Variants in GRB14 observed in about 807,000 individuals in gnomAD.
The protein encoded by GRB14 is growth factor receptor bound protein 14.
Under a neutral mutation model 69.1 loss-of-function variants are expected in GRB14, and 38 were observed. The ratio of observed to expected loss-of-function variants is 0.55; its 90% CI spans 0.42 to 0.72. The LOEUF is 0.72. Ranked by LOEUF, GRB14 falls within the 30% of genes least tolerant of loss-of-function variation. GRB14 has a pLI of 0.00. For missense variants in GRB14, 666 were observed against 666.1 expected, an observed-to-expected ratio of 1.00 and a Z score of 0.00; for synonymous variants, 247 against 241.3, an observed-to-expected ratio of 1.02 and a Z score of -0.22.
chr2:164,605,403 A>G (rs906759708), intron 2 of GRB14, among the ~76,000 whole-genome samples: 1 of 152,232 alleles, frequency 6.6e-6, no homozygotes, highest in African/African-American at 2.4e-5. Flanking sequence ...TGAGATGTCT[A>G]TGGACCGTAT....
intron 6 of GRB14, among the ~76,000 whole-genome samples, chr2:164,517,317 C>A (rs965978429): frequency 6.6e-6 from 1 of 152,070 alleles, no homozygotes. Flanking sequence ...CCACACACAG[C>A]ACATGGGAAT....
chr2:164,497,562 T>A, intron 9 of GRB14, 72 bp from the exon 10 acceptor site: 1 of 1,042,468 alleles, frequency 9.6e-7, no homozygotes, highest in Non-Finnish European at 1.4e-6. Context: ...TTGAAAGTGT[T>A]TTTCAATTTC....
At chr2:164,607,881 A>G (rs1690076909) in intron 2 of GRB14, among the ~76,000 whole-genome samples, 1 of 151,994 alleles carries the variant, frequency 6.6e-6, no homozygotes, top group African/African-American at 2.4e-5. Flanking sequence ...TTGCTTTCCA[A>G]TTTTTTTCCT....
intron 2 of GRB14, among the ~76,000 whole-genome samples, chr2:164,562,845 C>T (rs1688867051): frequency 6.6e-6 from 1 of 152,186 alleles, no homozygotes; most frequent in South Asian, 2.1e-4. Context: ...GGTTTCCTGG[C>T]TCTAAAGCAT....
intron 9 of GRB14, among the ~76,000 whole-genome samples, chr2:164,498,241 A>G (rs966191786): frequency 6.6e-6 from 1 of 152,228 alleles, no homozygotes; most frequent in African/African-American, 2.4e-5. Flanking sequence ...ATAAGCCTGA[A>G]TAAGAACTGA....
chr2:164,583,603 C>T (rs1182849474), intron 2 of GRB14, among the ~76,000 whole-genome samples: 1 of 151,788 alleles, frequency 6.6e-6, no homozygotes, highest in Non-Finnish European at 1.5e-5. Flanking sequence ...AAAAAAAATC[C>T]AGTAAAATAG....
At chr2:164,496,282 C>T (rs1205081790) in intron 12 of GRB14, among the ~76,000 whole-genome samples, 1 of 152,140 alleles carries the variant, frequency 6.6e-6, no homozygotes, top group Non-Finnish European at 1.5e-5. Context: ...CACAATACAA[C>T]CTCCCTCATT....
At chr2:164,513,311 A>C (rs1687388532) in intron 6 of GRB14, among the ~76,000 whole-genome samples, 1 of 152,198 alleles carries the variant, frequency 6.6e-6, no homozygotes, top group Non-Finnish European at 1.5e-5. Context: ...CCCCCCAAAA[A>C]ATATGCTCAT....
chr2:164,525,083 C>A lies in GRB14; in HGVS notation c.604-5G>T, dbSNP rs545980123. On this transcript the variant is annotated splice_polypyrimidine_tract_variant and splice_region_variant and intron_variant, in intron 4 of 13. Coordinates refer to ENST00000263915, the MANE Select transcript of GRB14 (RefSeq NM_004490.3). ...CATATGCTCTGGAAAAAAATACTGT[C>A]AAAAAGACACAGTTAAATTATCACA... 6.5e-7 allele frequency: 1 copy of A among 1,530,666 alleles called. No individual in the cohort carries two copies. The highest frequency in any genetic ancestry group is 1.2e-5 in the South Asian group (1 of 86,162). The allele number at this position is 1,530,666 out of a possible 1,614,324, so 94.8% of individuals were successfully genotyped here.
chr2:164,561,923 G>A (rs1229862227), intron 2 of GRB14, among the ~76,000 whole-genome samples: 1 of 152,162 alleles, frequency 6.6e-6, no homozygotes, highest in Non-Finnish European at 1.5e-5. Context: ...TAATGAAAAG[G>A]CCTGAGCATT....
chr2:164,619,247 T>G (rs1214501687), intron 2 of GRB14, among the ~76,000 whole-genome samples: 1 of 152,186 alleles, frequency 6.6e-6, no homozygotes, highest in Non-Finnish European at 1.5e-5. Flanking sequence ...TATATCACTT[T>G]CCTTAGGTAA....
intron 3 of GRB14, among the ~76,000 whole-genome samples, chr2:164,546,505 T>C (rs768648412): frequency 1.3e-5 from 2 of 152,086 alleles, no homozygotes; most frequent in East Asian, 1.9e-4. Context: ...AATATGAAGA[T>C]GAGGCAGTTC....
At chr2:164,540,988 A>G (rs1292425219) in intron 3 of GRB14, among the ~76,000 whole-genome samples, 1 of 152,216 alleles carries the variant, frequency 6.6e-6, no homozygotes, top group Non-Finnish European at 1.5e-5. Flanking sequence ...AAGAAAAAAG[A>G]AAAAGAAGGT....
intron 3 of GRB14, among the ~76,000 whole-genome samples, chr2:164,545,397 G>A (rs1375146350): frequency 6.6e-6 from 1 of 152,062 alleles, no homozygotes; most frequent in Non-Finnish European, 1.5e-5. Flanking sequence ...GGCCCGAAAT[G>A]TTACCGCTTT....
intron 2 of GRB14, among the ~76,000 whole-genome samples, chr2:164,585,467 A>G (rs1689517419): frequency 6.6e-6 from 1 of 152,170 alleles, no homozygotes; most frequent in Non-Finnish European, 1.5e-5. Flanking sequence ...AAAGCTGAAT[A>G]ACTATTTCCC....
intron 2 of GRB14, among the ~76,000 whole-genome samples, chr2:164,579,885 G>GTT (rs1689353710): frequency 6.6e-6 from 1 of 152,070 alleles, no homozygotes; most frequent in African/African-American, 2.4e-5. Context: ...TATTTTTAAT[G>GTT]TATCTATTTT....
chr2:164,543,243 G>A (rs1163122679), intron 3 of GRB14, among the ~76,000 whole-genome samples: 1 of 151,928 alleles, frequency 6.6e-6, no homozygotes, highest in Non-Finnish European at 1.5e-5. Flanking sequence ...GGAGGTTGCA[G>A]TGAGCTAAGA....
At chr2:164,551,742 G>A (rs1688545070) in intron 2 of GRB14, among the ~76,000 whole-genome samples, 1 of 152,080 alleles carries the variant, frequency 6.6e-6, no homozygotes, top group Non-Finnish European at 1.5e-5. Context: ...TTCCCTGACT[G>A]TCCAAGGGTT....
chr2:164,551,063 A>C (rs1688525251), intron 2 of GRB14, among the ~76,000 whole-genome samples: 1 of 152,188 alleles, frequency 6.6e-6, no homozygotes, highest in African/African-American at 2.4e-5. Context: ...ATCAGCCATG[A>C]TGGAAGTATT....
Sources: gnomAD v4.1 joint callset for allele counts (sites outside exome capture counted in the v4.1 genomes callset) on GRCh38, gnomAD v4.1.1 for gene constraint, MANE v1.5 for transcripts, NCBI Gene and HGNC (gene_info 2026-07-23, HGNC 2026-07-21) for gene names.